CACNA1C: variants seen among roughly 807,000 people sequenced by gnomAD.
The protein encoded by CACNA1C is calcium voltage-gated channel subunit alpha1 C, also known as voltage-dependent L-type calcium channel subunit alpha-1C.
A neutral mutation model predicts 229.0 loss-of-function variants in CACNA1C; 30 were observed. The ratio of observed to expected loss-of-function variants is 0.13; its 90% CI spans 0.10 to 0.18. The LOEUF is 0.18. Among genes scored for constraint, CACNA1C ranks in the 10% least tolerant of loss-of-function variants. The probability of loss-of-function intolerance (pLI) is 1.00; values close to 1 mark genes in which losing one functional copy is unlikely to be tolerated. For missense variants in CACNA1C, 1,658 were observed against 2,845.0 expected (o/e 0.58, Z 9.49); for synonymous variants, 1,114 against 1,132.5 (o/e 0.98, Z 0.33).
intron 4 of CACNA1C, among the ~76,000 whole-genome samples, chr12:2,453,056 G>A (rs2099392961): frequency 6.6e-6 from 1 of 152,124 alleles, no homozygotes. Flanking sequence ...GATACGGCCT[G>A]GACAGGGTTC....
chr12:2,212,314 C>T (rs143695340), intron 3 of CACNA1C, among the ~76,000 whole-genome samples: 18 of 152,224 alleles, frequency 1.2e-4, no homozygotes, highest in East Asian at 1.2e-3. Context: ...GGAAAGAAAC[C>T]GGGAATCCAG....
chr12:2,018,599 T>C (rs1276808993), intron 1 of CACNA1C, among the ~76,000 whole-genome samples: 23 of 152,168 alleles, frequency 1.5e-4, no homozygotes, highest in Non-Finnish European at 5.9e-5. Context: ...TCAGCTGAGA[T>C]GGAGCCATGC....
intron 3 of CACNA1C, among the ~76,000 whole-genome samples, chr12:2,123,610 C>T (rs958182240): frequency 6.6e-5 from 10 of 152,094 alleles, no homozygotes; most frequent in African/African-American, 2.2e-4. Flanking sequence ...CTGAAGAAAA[C>T]GAAACATAGC....
chr12:2,178,947 A>G (rs1037563808), intron 3 of CACNA1C, among the ~76,000 whole-genome samples: 3 of 152,194 alleles, frequency 2.0e-5, no homozygotes, highest in Admixed American at 2.0e-4. Context: ...TTGCAGTCCC[A>G]GTTACCCAGG....
intron 3 of CACNA1C, among the ~76,000 whole-genome samples, chr12:2,294,918 C>T (rs949828723): frequency 3.3e-5 from 5 of 152,082 alleles, no homozygotes; most frequent in African/African-American, 9.7e-5. Flanking sequence ...GTGTAATCTC[C>T]GTGGTCAGTG....
At chr12:2,572,467 T>C (rs1484072650) in intron 13 of CACNA1C, among the ~76,000 whole-genome samples, 27 of 37,808 alleles carry the variant, frequency 7.1e-4, no homozygotes, top group African/African-American at 1.4e-3. Context: ...CCTCCTCCTC[T>C]TCCTCCTTCT....
At chr12:2,526,800 AGT>A (rs1215855354) in intron 9 of CACNA1C, among the ~76,000 whole-genome samples, 2 of 152,242 alleles carry the variant, frequency 1.3e-5, no homozygotes, top group Non-Finnish European at 2.9e-5. Flanking sequence ...AATAAAGAAA[AGT>A]GTAGCCATTT....
chr12:2,408,419 T>G (rs994972376), intron 3 of CACNA1C, among the ~76,000 whole-genome samples: 6 of 152,110 alleles, frequency 3.9e-5, no homozygotes, highest in Non-Finnish European at 7.4e-5. Flanking sequence ...TTTACCACAG[T>G]TTTACAAAGT....
intron 3 of CACNA1C, among the ~76,000 whole-genome samples, chr12:2,218,143 T>G (rs1031441386): frequency 6.6e-6 from 1 of 152,124 alleles, no homozygotes; most frequent in Non-Finnish European, 1.5e-5. Context: ...GGTTTTGGGG[T>G]CTCTGGGCTC....
At chr12:2,295,408 C>A (rs543062380) in intron 3 of CACNA1C, among the ~76,000 whole-genome samples, 11 of 152,196 alleles carry the variant, frequency 7.2e-5, no homozygotes, top group Non-Finnish European at 1.3e-4. Context: ...CTCAGTGAAA[C>A]GTCCTTCCTT....
At chr12:2,516,306 G>A (rs540245837) in intron 9 of CACNA1C, among the ~76,000 whole-genome samples, 2 of 152,268 alleles carry the variant, frequency 1.3e-5, no homozygotes, top group Non-Finnish European at 2.9e-5. Context: ...AATGGTGTAA[G>A]GTGAGGCTGT....
chr12:2,484,974 C>A (rs1483117061), intron 5 of CACNA1C, among the ~76,000 whole-genome samples: 1 of 149,794 alleles, frequency 6.7e-6, no homozygotes, highest in Admixed American at 6.6e-5. Context: ...ATCAGCCTTG[C>A]GAGAATCACA....
chr12:2,210,741 AT>A (rs1363692888), intron 3 of CACNA1C, among the ~76,000 whole-genome samples: 1 of 152,020 alleles, frequency 6.6e-6, no homozygotes, highest in East Asian at 1.9e-4. Context: ...CATTAAGTTA[AT>A]TTTTTCATTC....
At chr12:2,429,021 G>A (rs536619875) in intron 3 of CACNA1C, among the ~76,000 whole-genome samples, 10 of 152,238 alleles carry the variant, frequency 6.6e-5, no homozygotes, top group African/African-American at 2.4e-4. Context: ...AGTTGGCGGG[G>A]CCATTCTCTA....
chr12:2,324,399 C>T (rs1367515188), intron 3 of CACNA1C, among the ~76,000 whole-genome samples: 1 of 152,252 alleles, frequency 6.6e-6, no homozygotes, highest in African/African-American at 2.4e-5. Flanking sequence ...GCCCTTGCTG[C>T]CCGAATCTCC....
chr12:2,213,858 C>T (rs1337199685), intron 3 of CACNA1C, among the ~76,000 whole-genome samples: 4 of 152,222 alleles, frequency 2.6e-5, no homozygotes, highest in East Asian at 1.9e-4. Context: ...GCAGTCCATC[C>T]GTCCACATTT....
chr12:1,987,504 C>A (rs1468457799), intron 1 of CACNA1C, among the ~76,000 whole-genome samples: 1 of 151,984 alleles, frequency 6.6e-6, no homozygotes, highest in Non-Finnish European at 1.5e-5. Flanking sequence ...AAATAGAACC[C>A]TTCTCTAGTC....
chr12:2,155,309 C>T (rs970273657), intron 3 of CACNA1C, among the ~76,000 whole-genome samples: 4 of 152,132 alleles, frequency 2.6e-5, no homozygotes, highest in African/African-American at 4.8e-5. Flanking sequence ...TACTAGAACA[C>T]CTTTCCTCCA....
At chr12:2,355,458 T>C (rs1468460714) in intron 3 of CACNA1C, among the ~76,000 whole-genome samples, 2 of 152,178 alleles carry the variant, frequency 1.3e-5, no homozygotes, top group Non-Finnish European at 2.9e-5. Flanking sequence ...CACTGTAGCC[T>C]GCAGGTTATG....
Sources: gnomAD v4.1 joint callset for allele counts (sites outside exome capture counted in the v4.1 genomes callset) on GRCh38, gnomAD v4.1.1 for gene constraint, MANE v1.5 for transcripts, NCBI Gene and HGNC (gene_info 2026-07-23, HGNC 2026-07-21) for gene names.